The following SLC4A10 variants were observed in gnomAD, a reference collection of about 807,000 sequenced individuals.
The protein encoded by SLC4A10 is solute carrier family 4 member 10.
In SLC4A10, 42 loss-of-function variants were observed where a neutral mutation model predicts 137.7. The observed-to-expected ratio is 0.30, with a 90% CI of 0.24 to 0.39. The LOEUF is 0.39. Ranked by LOEUF, SLC4A10 falls within the 10% of genes least tolerant of loss-of-function variation. The pLI is 1.00. For synonymous variants in SLC4A10, 474 were observed against 464.1 expected (o/e 1.02, Z -0.27); for missense variants, 925 against 1,355.0 (o/e 0.68, Z 4.98).
intron 26 of SLC4A10, among the ~76,000 whole-genome samples, chr2:161,980,579 G>T (rs980125863): frequency 6.6e-6 from 1 of 152,092 alleles, no homozygotes; most frequent in Non-Finnish European, 1.5e-5. Context: ...AACCTGCGAC[G>T]TGGAGGTTGC....
rs1314995430 is a variant in SLC4A10, at chr2:161,886,170, AAAAC to A, written c.1194+3734_1194+3737del. Among the ~76,000 whole-genome samples the A allele has an allele frequency of 5.3e-5, 8 of 152,172 alleles. No homozygotes were observed. The South Asian group carries it at 6.2e-4, about 12-fold the overall frequency. On this transcript the variant is annotated intron_variant, in intron 10 of 26. Transcript: ENST00000446997. ...TAAATAATACATTTTAATGAAAACA[AAAAC>A]AAACAAAATACTAAGCGAGGTGTTA... is the stretch of plus-strand genomic sequence containing the variant.
chr2:161,796,010 A>G (rs181784150), intron 2 of SLC4A10, among the ~76,000 whole-genome samples: 2 of 152,284 alleles, frequency 1.3e-5, no homozygotes, highest in Admixed American at 1.3e-4. Context: ...ATCACAATGT[A>G]GTATCAATAC....
At chr2:161,697,230 C>A (rs1470818042) in intron 1 of SLC4A10, among the ~76,000 whole-genome samples, 1 of 151,486 alleles carries the variant, frequency 6.6e-6, no homozygotes, top group African/African-American at 2.4e-5. Flanking sequence ...GAGTAGGTTG[C>A]AAAATTTTCT....
intron 3 of SLC4A10, among the ~76,000 whole-genome samples, chr2:161,821,059 C>T (rs2057577107): frequency 6.6e-6 from 1 of 152,066 alleles, no homozygotes; most frequent in South Asian, 2.1e-4. Context: ...TTTGCATATG[C>T]CTTTGGCCAT....
At chr2:161,646,069 A>G (rs1469134870) in intron 1 of SLC4A10, among the ~76,000 whole-genome samples, 2 of 152,116 alleles carry the variant, frequency 1.3e-5, no homozygotes, top group Non-Finnish European at 2.9e-5. Context: ...AACCATGTGC[A>G]AAATTTATCT....
chr2:161,900,837 A>G (rs1682929097), intron 11 of SLC4A10, 74 bp from the exon 12 acceptor site: 8 of 1,052,012 alleles, frequency 7.6e-6, no homozygotes, highest in Non-Finnish European at 1.1e-5. Context: ...GGAAAAATGA[A>G]CTGTTATTAT....
At chr2:161,978,183 G>C (rs754795674) in intron 26 of SLC4A10, among the ~76,000 whole-genome samples, 2 of 151,890 alleles carry the variant, frequency 1.3e-5, no homozygotes, top group Non-Finnish European at 2.9e-5. Flanking sequence ...TCAGGAGTTC[G>C]AGACAAGCTT....
In SLC4A10 at chr2:161,817,911, C is replaced by G. The variant is rs555353999; in HGVS notation, c.277+13316C>G. On this transcript the variant is annotated intron_variant, in intron 3 of 26. Coordinates refer to ENST00000446997, the MANE Select transcript of SLC4A10 (RefSeq NM_001178015.2). ...TGTAGTATAGTTTGAAGTCAGGTAGCGTGATGCCTCCAGCTTTGTTCTTTT... is the reference window on the plus strand; with the variant it reads ...TGTAGTATAGTTTGAAGTCAGGTAGGGTGATGCCTCCAGCTTTGTTCTTTT... 1.6e-4 allele frequency among the ~76,000 whole-genome samples: 25 copies of G among 151,582 alleles called. No homozygotes were observed. In the East Asian group the frequency reaches 4.1e-3, roughly 25 times the overall value.
chr2:161,906,421 T>C (rs1483839307), intron 15 of SLC4A10, among the ~76,000 whole-genome samples: 3 of 152,320 alleles, frequency 2.0e-5, no homozygotes, highest in African/African-American at 7.2e-5. Context: ...TACTCAGATA[T>C]TAGTTGTTGA....
chr2:161,848,004 C>A (rs1310823602), intron 4 of SLC4A10, among the ~76,000 whole-genome samples: 1 of 152,144 alleles, frequency 6.6e-6, no homozygotes, highest in Non-Finnish European at 1.5e-5. Context: ...AATGTATAAG[C>A]ATTCCCCTTC....
intron 12 of SLC4A10, among the ~76,000 whole-genome samples, chr2:161,901,602 A>G (rs1254029664): frequency 6.6e-6 from 1 of 152,078 alleles, no homozygotes; most frequent in Non-Finnish European, 1.5e-5. Context: ...GTCTCTCTTC[A>G]GGGAATATGT....
chr2:161,689,589 A>G (rs1466206410), intron 1 of SLC4A10, among the ~76,000 whole-genome samples: 8 of 152,178 alleles, frequency 5.3e-5, no homozygotes, highest in Admixed American at 4.6e-4. Context: ...ATTGCCTAAG[A>G]ACACATTTCT....
At chr2:161,781,818 T>A (rs79215062) in intron 2 of SLC4A10, among the ~76,000 whole-genome samples, 4,338 of 152,102 alleles carry the variant, frequency 0.029, 184 homozygotes, top group African/African-American at 0.099. Context: ...GCACCCTGGG[T>A]GAATGCAAAA....
intron 1 of SLC4A10, among the ~76,000 whole-genome samples, chr2:161,726,135 C>T (rs1559117070): frequency 6.6e-6 from 1 of 151,898 alleles, no homozygotes; most frequent in Admixed American, 6.6e-5. Context: ...TTTAGGGCAA[C>T]AAAAAGGAGA....
At chr2:161,664,115 A>G (rs976263873) in intron 1 of SLC4A10, among the ~76,000 whole-genome samples, 1 of 151,978 alleles carries the variant, frequency 6.6e-6, no homozygotes, top group Admixed American at 6.6e-5. Flanking sequence ...ACATGAAAAA[A>G]GTAGAAACAA....
At chr2:161,642,790 A>G (rs1395291815) in intron 1 of SLC4A10, among the ~76,000 whole-genome samples, 1 of 151,970 alleles carries the variant, frequency 6.6e-6, no homozygotes, top group African/African-American at 2.4e-5. Context: ...ATGATCCATG[A>G]TTCATGAAAA....
intron 15 of SLC4A10, among the ~76,000 whole-genome samples, chr2:161,930,221 A>T (rs1017929136): frequency 3.3e-5 from 5 of 152,212 alleles, no homozygotes; most frequent in Non-Finnish European, 5.9e-5. Flanking sequence ...AAGAGTGCAG[A>T]CCAGAAATCA....
rs1575480831 is a variant in SLC4A10, at chr2:161,890,047, C to T, written c.1195-4632C>T. ...TTTCTGCTTTAATTTCGTTATTTAC[C>T]CAGTAGTAATTCAGGAGCAGGTTAT... On this transcript the variant is annotated intron_variant, in intron 10 of 26. Transcript: ENST00000446997. 2.0e-5 allele frequency among the ~76,000 whole-genome samples: 3 copies of T among 152,104 alleles called. No homozygotes were observed. The East Asian group carries it at 5.8e-4, about 29-fold the overall frequency.
chr2:161,895,717 A>G (rs1438161506), intron 11 of SLC4A10, among the ~76,000 whole-genome samples: 2 of 152,142 alleles, frequency 1.3e-5, no homozygotes, highest in Admixed American at 6.5e-5. Context: ...TCTTCTTTTA[A>G]GAAGTGTCTG....
Sources: gnomAD v4.1 joint callset for allele counts (sites outside exome capture counted in the v4.1 genomes callset) on GRCh38, gnomAD v4.1.1 for gene constraint, MANE v1.5 for transcripts, NCBI Gene and HGNC (gene_info 2026-07-23, HGNC 2026-07-21) for gene names.